MECOM: variants seen among roughly 807,000 people sequenced by gnomAD.
The protein encoded by MECOM is histone-lysine N-methyltransferase MECOM.
A neutral mutation model predicts 116.3 loss-of-function variants in MECOM; 13 were observed. The observed-to-expected ratio is 0.11, with a 90% CI of 0.07 to 0.18. The LOEUF (loss-of-function observed/expected upper bound fraction) is 0.18, where lower values mean the gene tolerates loss of function less well. MECOM is among the 10% of genes least tolerant of loss of function. MECOM has a pLI of 1.00. For synonymous variants in MECOM, 528 were observed against 535.2 expected, an observed-to-expected ratio of 0.99 and a Z score of 0.19; for missense variants, 1,299 against 1,509.0, an observed-to-expected ratio of 0.86 and a Z score of 2.31.
intron 1 of MECOM, among the ~76,000 whole-genome samples, chr3:169,612,317 A>T (rs1243466201): frequency 2.0e-5 from 3 of 152,240 alleles, no homozygotes; most frequent in Non-Finnish European, 4.4e-5. Context: ...GAAGTTCAAG[A>T]GATATCAGGC....
chr3:169,087,223 T>C (rs1338324057), intron 16 of MECOM, among the ~76,000 whole-genome samples: 2 of 152,140 alleles, frequency 1.3e-5, no homozygotes, highest in Admixed American at 1.3e-4. Context: ...CTTCTGGCAG[T>C]TTCTGGAGTG....
At chr3:169,334,784 C>A (rs1469240177) in intron 2 of MECOM, among the ~76,000 whole-genome samples, 1 of 152,090 alleles carries the variant, frequency 6.6e-6, no homozygotes, top group African/African-American at 2.4e-5. Context: ...CCCTTTGGAG[C>A]CAGTGGCCCA....
At chr3:169,271,229 C>T (rs1758907559) in intron 2 of MECOM, among the ~76,000 whole-genome samples, 1 of 152,208 alleles carries the variant, frequency 6.6e-6, no homozygotes, top group Admixed American at 6.5e-5. Flanking sequence ...AAAGGACTAT[C>T]CTTGGCACAG....
At chr3:169,178,068 G>C (rs988647258) in intron 2 of MECOM, among the ~76,000 whole-genome samples, 9 of 152,178 alleles carry the variant, frequency 5.9e-5, no homozygotes, top group Admixed American at 5.9e-4. Flanking sequence ...TACAGACCAT[G>C]TCTATTTTAT....
chr3:169,625,937 C>A (rs1771316884), intron 1 of MECOM, among the ~76,000 whole-genome samples: 1 of 152,114 alleles, frequency 6.6e-6, no homozygotes, highest in African/African-American at 2.4e-5. Flanking sequence ...AAAAAATTAC[C>A]CATCCAAAAA....
At chr3:169,264,588 C>G (rs999836006) in intron 2 of MECOM, among the ~76,000 whole-genome samples, 7 of 152,016 alleles carry the variant, frequency 4.6e-5, no homozygotes, top group African/African-American at 1.7e-4. Flanking sequence ...AATCCAACAC[C>G]CTTGTTAATC....
intron 12 of MECOM, among the ~76,000 whole-genome samples, chr3:169,100,343 C>A (rs1456783980): frequency 1.3e-5 from 2 of 152,070 alleles, no homozygotes; most frequent in Non-Finnish European, 2.9e-5. Context: ...AAGGGATCCA[C>A]CTGCCTCTGC....
At chr3:169,421,937 G>C (rs975027095) in intron 1 of MECOM, among the ~76,000 whole-genome samples, 4 of 152,032 alleles carry the variant, frequency 2.6e-5, no homozygotes, top group Non-Finnish European at 5.9e-5. Flanking sequence ...AATTAGCATA[G>C]AATAAAGAAT....
At chr3:169,313,459 G>A (rs75716124) in intron 2 of MECOM, among the ~76,000 whole-genome samples, 1 of 152,328 alleles carries the variant, frequency 6.6e-6, no homozygotes, top group Non-Finnish European at 1.5e-5. Flanking sequence ...ATACTACAGA[G>A]AGAGGGCAGA....
intron 1 of MECOM, among the ~76,000 whole-genome samples, chr3:169,452,931 T>C (rs1475494876): frequency 6.6e-6 from 1 of 152,232 alleles, no homozygotes; most frequent in Non-Finnish European, 1.5e-5. Context: ...CATTCCCTAA[T>C]CACTTCTTGC....
intron 2 of MECOM, among the ~76,000 whole-genome samples, chr3:169,317,459 T>C (rs1267504713): frequency 2.0e-5 from 3 of 152,190 alleles, no homozygotes; most frequent in Admixed American, 6.5e-5. Context: ...GAAAAGGCTA[T>C]GAAAACATCA....
At chr3:169,221,105 C>T (rs1033805736) in intron 2 of MECOM, among the ~76,000 whole-genome samples, 1 of 152,174 alleles carries the variant, frequency 6.6e-6, no homozygotes, top group Non-Finnish European at 1.5e-5. Flanking sequence ...GCTACTTACA[C>T]TCTCTTCTTT....
intron 2 of MECOM, among the ~76,000 whole-genome samples, chr3:169,356,248 C>A (rs1217886340): frequency 6.6e-6 from 1 of 151,840 alleles, no homozygotes; most frequent in Non-Finnish European, 1.5e-5. Context: ...AGATTCAAGA[C>A]TTGGGGTACA....
At chr3:169,623,570 A>G (rs1053523864) in intron 1 of MECOM, among the ~76,000 whole-genome samples, 9 of 152,188 alleles carry the variant, frequency 5.9e-5, no homozygotes, top group African/African-American at 2.2e-4. Context: ...CATCCTGAAC[A>G]TGCCCAATCT....
chr3:169,372,954 A>G (rs539257159), intron 2 of MECOM, among the ~76,000 whole-genome samples: 30 of 152,012 alleles, frequency 2.0e-4, no homozygotes, highest in Non-Finnish European at 3.5e-4. Context: ...ATGCAGTTAC[A>G]ATGTTACTAC....
At chr3:169,662,331 C>A (rs1366754137) in intron 1 of MECOM, among the ~76,000 whole-genome samples, 4 of 152,212 alleles carry the variant, frequency 2.6e-5, no homozygotes, top group Non-Finnish European at 4.4e-5. Flanking sequence ...CGCGGCCCAA[C>A]GCTCTGGCAG....
chr3:169,628,809 C>T (rs186603957), intron 1 of MECOM, among the ~76,000 whole-genome samples: 7 of 152,338 alleles, frequency 4.6e-5, no homozygotes, highest in African/African-American at 1.2e-4. Context: ...AGATACAGCA[C>T]TTGCAAAGGC....
At chr3:169,239,266 T>C (rs1754479543) in intron 2 of MECOM, among the ~76,000 whole-genome samples, 1 of 152,062 alleles carries the variant, frequency 6.6e-6, no homozygotes, top group Non-Finnish European at 1.5e-5. Context: ...TGGAGGAGAA[T>C]TATGCTTGTG....
At chr3:169,203,979 T>C (rs1200162187) in intron 2 of MECOM, among the ~76,000 whole-genome samples, 1 of 152,216 alleles carries the variant, frequency 6.6e-6, no homozygotes, top group Non-Finnish European at 1.5e-5. Context: ...CTTGGAATTA[T>C]ATGGCTTAGG....
Sources: allele counts gnomAD v4.1 joint callset (sites outside exome capture counted in the v4.1 genomes callset), GRCh38; gene constraint gnomAD v4.1.1; transcripts MANE v1.5; gene names NCBI Gene and HGNC (gene_info 2026-07-23, HGNC 2026-07-21).